Variants in TYW1B observed in about 807,000 individuals in gnomAD.
TYW1B encodes the protein tRNA-yW synthesizing protein 1 homolog B.
In TYW1B, 73 loss-of-function variants were observed where a neutral mutation model predicts 86.9. That is an observed-to-expected ratio of 0.84 (90% CI 0.70 to 1.02). The LOEUF is 1.02. Ranked by LOEUF, TYW1B falls within the 50% of genes least tolerant of loss-of-function variation. The pLI, the probability that TYW1B is intolerant of heterozygous loss-of-function variation, is 0.00. For synonymous variants in TYW1B, 248 were observed against 292.8 expected, an observed-to-expected ratio of 0.85 and a Z score of 1.56; for missense variants, 637 against 827.4, an observed-to-expected ratio of 0.77 and a Z score of 2.82.
chr7:72,614,016 GC>G (rs1812003812), intron 13 of TYW1B, among the ~76,000 whole-genome samples: 1 of 123,270 alleles, frequency 8.1e-6, no homozygotes, highest in Non-Finnish European at 1.7e-5. Context: ...GGGGTGGGGG[GC>G]AGGGGTGGGG....
At chr7:72,606,232 C>G (rs1811793667) in intron 13 of TYW1B, among the ~76,000 whole-genome samples, 1 of 152,104 alleles carries the variant, frequency 6.6e-6, no homozygotes, top group African/African-American at 2.4e-5. Flanking sequence ...AGGCTGCTCT[C>G]TTAGGACAGC....
rs1321065374 is a variant in TYW1B at position 72,574,522 on chromosome 7, A to G, written c.*976T>C. On this transcript the variant is annotated 3_prime_UTR_variant, in exon 14 of 14. Transcript: ENST00000620995. Reference sequence around the variant, plus strand: ...AAACTCATGCTGCAAGTCTTTACAAAATATTATTTTATTAATTCAATTTTT... The same window carrying G: ...AAACTCATGCTGCAAGTCTTTACAAGATATTATTTTATTAATTCAATTTTT... The G allele has an allele frequency of 3.1e-6, 3 of 961,238 alleles. No homozygotes were observed. The highest frequency in any genetic ancestry group is 3.7e-6 in the Non-Finnish European group (3 of 808,002). The allele number at this position is 961,238 out of a possible 1,614,324, so 59.5% of individuals were successfully genotyped here. A position where few individuals can be genotyped will look rare whatever the true frequency, so the allele number is the denominator to read the frequency against.
intron 6 of TYW1B, among the ~76,000 whole-genome samples, chr7:72,787,389 G>A (rs1367876548): frequency 2.0e-5 from 3 of 151,966 alleles, no homozygotes; most frequent in Non-Finnish European, 2.9e-5. Context: ...CTTGAACCCA[G>A]GAGGCAGAGG....
chr7:72,676,932 T>G (rs1813748648), intron 11 of TYW1B, among the ~76,000 whole-genome samples: 1 of 151,942 alleles, frequency 6.6e-6, no homozygotes, highest in Non-Finnish European at 1.5e-5. Flanking sequence ...TACTCCAGCC[T>G]GGGTGACAGA....
chr7:72,738,720 T>C (rs34192178), intron 8 of TYW1B, among the ~76,000 whole-genome samples: 1 of 152,080 alleles, frequency 6.6e-6, no homozygotes, highest in Non-Finnish European at 1.5e-5. Flanking sequence ...AGAGATACTT[T>C]TAGTGTTTTG....
intron 7 of TYW1B, among the ~76,000 whole-genome samples, chr7:72,747,921 G>A (rs1266107847): frequency 2.0e-5 from 3 of 152,002 alleles, no homozygotes; most frequent in South Asian, 2.1e-4. Context: ...TATTACTTTC[G>A]TTGGAGTGAC....
At chr7:72,750,256 C>A (rs1787477394) in intron 7 of TYW1B, among the ~76,000 whole-genome samples, 1 of 152,138 alleles carries the variant, frequency 6.6e-6, no homozygotes, top group Non-Finnish European at 1.5e-5. Context: ...TGTCTGCTAG[C>A]AACAAATTCT....
intron 5 of TYW1B, among the ~76,000 whole-genome samples, chr7:72,805,978 A>G (rs895028511): frequency 6.6e-6 from 1 of 152,158 alleles, no homozygotes; most frequent in African/African-American, 2.4e-5. Context: ...GGGTATTTAA[A>G]GAAGGAAGCA....
At chr7:72,640,137 C>T (rs1261262977) in intron 11 of TYW1B, among the ~76,000 whole-genome samples, 1 of 151,370 alleles carries the variant, frequency 6.6e-6, no homozygotes, top group Non-Finnish European at 1.5e-5. Flanking sequence ...TAATAAAATT[C>T]CTTAGTTAAA....
chr7:72,628,020 A>C (rs1472728027), intron 12 of TYW1B, among the ~76,000 whole-genome samples: 1 of 152,188 alleles, frequency 6.6e-6, no homozygotes, highest in Non-Finnish European at 1.5e-5. Flanking sequence ...AGCCGGGCAC[A>C]GTGGCTCACA....
At chr7:72,718,483 A>G (rs1479517517) in intron 9 of TYW1B, among the ~76,000 whole-genome samples, 1 of 152,074 alleles carries the variant, frequency 6.6e-6, no homozygotes, top group Non-Finnish European at 1.5e-5. Context: ...AATGAAACAC[A>G]AAGTGCAAGT....
intron 11 of TYW1B, among the ~76,000 whole-genome samples, chr7:72,639,246 T>A (rs1335351214): frequency 1.3e-5 from 2 of 148,424 alleles, no homozygotes; most frequent in African/African-American, 5.2e-5. Context: ...TTTTTTTAAA[T>A]TTTTTTTAAA....
At chr7:72,663,657 G>A (rs1277168568) in intron 11 of TYW1B, among the ~76,000 whole-genome samples, 3 of 151,132 alleles carry the variant, frequency 2.0e-5, no homozygotes, top group African/African-American at 4.9e-5. Context: ...CCAGCTACTA[G>A]GGAGGCTGAG....
At chr7:72,705,123 A>C (rs1814582237) in intron 10 of TYW1B, among the ~76,000 whole-genome samples, 1 of 152,216 alleles carries the variant, frequency 6.6e-6, no homozygotes, top group African/African-American at 2.4e-5. Flanking sequence ...ACTTCTATTG[A>C]AAGAATCAGG....
intron 7 of TYW1B, among the ~76,000 whole-genome samples, chr7:72,775,127 GAAGA>G (rs1217008981): frequency 2.0e-5 from 3 of 152,100 alleles, no homozygotes; most frequent in African/African-American, 7.2e-5. Flanking sequence ...AAGTGAGACA[GAAGA>G]AAGAACTTTT....
At chr7:72,743,164 T>C (rs1441320256) in intron 8 of TYW1B, among the ~76,000 whole-genome samples, 1 of 152,138 alleles carries the variant, frequency 6.6e-6, no homozygotes, top group African/African-American at 2.4e-5. Context: ...AGACTGGAGA[T>C]AAAGTATTTA....
intron 13 of TYW1B, among the ~76,000 whole-genome samples, chr7:72,578,899 T>C (rs1554429231): frequency 1.3e-5 from 2 of 152,170 alleles, no homozygotes; most frequent in African/African-American, 4.8e-5. Context: ...TCCCTATTTG[T>C]GTCCCTTTGG....
chr7:72,783,197 G>A (rs1203930186), intron 6 of TYW1B, among the ~76,000 whole-genome samples: 3 of 151,916 alleles, frequency 2.0e-5, no homozygotes, highest in African/African-American at 4.8e-5. Flanking sequence ...TCAGGAGTTC[G>A]AGAACAGCCT....
rs752457503 is a variant in TYW1B, at chr7:72,651,121, AT to A, written c.1507-22125del. Among the ~76,000 whole-genome samples the A allele has an allele frequency of 2.0e-5, 3 of 152,338 alleles. 1 individual carries two copies. Among genetic ancestry groups the A allele is most frequent in the Admixed American group, 2.0e-4 (3 of 15,300 alleles). ...AAAGCTATGCTAACTTAGTGAGGTA[AT>A]GTGACAAGAGAGAAAAACTAACCGA... is the stretch of plus-strand genomic sequence containing the variant. On this transcript the variant is annotated intron_variant, in intron 11 of 13. Transcript: ENST00000620995.
Sources: gnomAD v4.1 joint callset for allele counts (sites outside exome capture counted in the v4.1 genomes callset) on GRCh38, gnomAD v4.1.1 for gene constraint, MANE v1.5 for transcripts, NCBI Gene and HGNC (gene_info 2026-07-23, HGNC 2026-07-21) for gene names.